Variants in PHACTR2 observed in about 807,000 individuals in gnomAD.
The protein encoded by PHACTR2 is phosphatase and actin regulator 2, also known as chromosome 6 open reading frame 56.
PHACTR2 carries 30 observed loss-of-function variants against 76.0 expected under a neutral mutation model. The observed-to-expected ratio is 0.39, with a 90% CI of 0.30 to 0.54. The LOEUF (loss-of-function observed/expected upper bound fraction) is 0.54. PHACTR2 is among the 20% of genes least tolerant of loss of function. The pLI is 0.61. For synonymous variants in PHACTR2, 292 were observed against 292.5 expected, an observed-to-expected ratio of 1.00 and a Z score of 0.02; for missense variants, 696 against 781.1, an observed-to-expected ratio of 0.89 and a Z score of 1.30.
chr6:143,631,345 C>A (rs1228634831), intron 1 of PHACTR2, among the ~76,000 whole-genome samples: 1 of 152,052 alleles, frequency 6.6e-6, no homozygotes, highest in African/African-American at 2.4e-5. Context: ...TGCAGACCAC[C>A]ACCCCTGGCT....
At chr6:143,758,545 T>C (rs1779358166) in intron 4 of PHACTR2, among the ~76,000 whole-genome samples, 2 of 152,238 alleles carry the variant, frequency 1.3e-5, no homozygotes, top group South Asian at 4.1e-4. Flanking sequence ...ACTTTTGTGA[T>C]TTACTTGCCT....
chr6:143,689,290 A>T lies in PHACTR2; in HGVS notation c.46+11081A>T, dbSNP rs139156037. On this transcript the variant is annotated intron_variant, in intron 1 of 12. Coordinates refer to ENST00000440869, the MANE Select transcript of PHACTR2 (RefSeq NM_001100164.2). The surrounding 1 kb of genome is among the most constrained non-coding windows in gnomAD (Gnocchi z 4.4). ...TTATTCATTGTCTCTCTTTTCTAGAACATAAGCTCCATGATCTAAAAGACG... is the reference window on the plus strand; with the variant it reads ...TTATTCATTGTCTCTCTTTTCTAGATCATAAGCTCCATGATCTAAAAGACG... 2.9e-4 allele frequency among the ~76,000 whole-genome samples: 44 copies of T among 152,338 alleles called. No homozygotes were observed. Among genetic ancestry groups the T allele is most frequent in the Non-Finnish European group, 4.7e-4 (32 of 68,036 alleles).
In PHACTR2 at chr6:143,767,680, G is replaced by A. The variant is rs1779589640; in HGVS notation, c.1232+1882G>A. Among the ~76,000 whole-genome samples the A allele has an allele frequency of 6.6e-6, 1 of 152,190 alleles. No individual in the cohort carries two copies. Among genetic ancestry groups the A allele is most frequent in the Non-Finnish European group, 1.5e-5 (1 of 68,028 alleles). On this transcript the variant is annotated intron_variant, in intron 6 of 12. Transcript: ENST00000440869. The surrounding 1 kb of genome is among the most constrained non-coding windows in gnomAD (Gnocchi z 4.4). The stretch of plus-strand genomic sequence containing the variant: ...TTTCCATGTCATCACATGGTGGAAG[G>A]TGGAAGGGCAGAGAGCACAACAGAG...
At position 143,682,446 on chromosome 6, in the gene PHACTR2, C is replaced by A. The variant is rs115525732; in HGVS notation, c.46+4237C>A. Reference sequence around the variant, plus strand: ...CCCAGGCTGGTCTCAAATTCGAGATCTCAAGAGATCCACCCACCTGGGCCT... The same window carrying A: ...CCCAGGCTGGTCTCAAATTCGAGATATCAAGAGATCCACCCACCTGGGCCT... On this transcript the variant is annotated intron_variant, in intron 1 of 12. Transcript: ENST00000440869. Among the ~76,000 whole-genome samples, 281 of 152,238 alleles carry A rather than the reference C, an allele frequency of 1.8e-3. 3 individuals are homozygous for A. The highest frequency in any genetic ancestry group is 6.4e-3 in the African/African-American group (267 of 41,538).
At chr6:143,563,893 A>G (rs1775320593) in intron 1 of PHACTR2, among the ~76,000 whole-genome samples, 1 of 151,568 alleles carries the variant, frequency 6.6e-6, no homozygotes, top group African/African-American at 2.4e-5. Flanking sequence ...GGTCCCAGCT[A>G]TTTGGGAGGT....
At chr6:143,630,827 G>A (rs1776352491) in intron 1 of PHACTR2, among the ~76,000 whole-genome samples, 1 of 152,194 alleles carries the variant, frequency 6.6e-6, no homozygotes, top group South Asian at 2.1e-4. Flanking sequence ...CTTTGGAGCA[G>A]GGAAAGAACT....
At chr6:143,704,076 GGTGTGTGT>G (rs1162818666) in intron 1 of PHACTR2, among the ~76,000 whole-genome samples, 3 of 72,930 alleles carry the variant, frequency 4.1e-5, no homozygotes, top group Admixed American at 3.3e-4. Context: ...GTCCATCATG[GGTGTGTGT>G]GTGTGTGTGT....
Position 143,743,713 on chromosome 6 carries a change from G to A in PHACTR2, c.215-5272G>A, listed in dbSNP as rs747162950. ...CAACACAAGACAAGTGGTTTTGTGTGTTTCTGTCACAGTTTTACAGTGAGG... is the reference window on the plus strand; with the variant it reads ...CAACACAAGACAAGTGGTTTTGTGTATTTCTGTCACAGTTTTACAGTGAGG... On this transcript the variant is annotated intron_variant, in intron 2 of 12. Coordinates refer to ENST00000440869, the MANE Select transcript of PHACTR2 (RefSeq NM_001100164.2). The surrounding 1 kb of genome is among the most constrained non-coding windows in gnomAD (Gnocchi z 5.0). Among the ~76,000 whole-genome samples the A allele has an allele frequency of 2.6e-5, 4 of 152,192 alleles. No individual in the cohort carries two copies. The highest frequency in any genetic ancestry group is 5.9e-5 in the Non-Finnish European group (4 of 68,040).
chr6:143,790,954 G>C (rs1028774572), intron 11 of PHACTR2, among the ~76,000 whole-genome samples: 51 of 152,182 alleles, frequency 3.4e-4, no homozygotes, highest in Admixed American at 3.2e-3. Flanking sequence ...TGGGATTACA[G>C]GCGTGAGCCA....
intron 1 of PHACTR2, among the ~76,000 whole-genome samples, chr6:143,586,822 T>C (rs1775635994): frequency 6.6e-6 from 1 of 152,214 alleles, no homozygotes; most frequent in African/African-American, 2.4e-5. Context: ...GCTTCTGCCC[T>C]GCCCTATTTT....
chr6:143,792,987 C>G (rs1342992521), intron 11 of PHACTR2, among the ~76,000 whole-genome samples: 1 of 152,184 alleles, frequency 6.6e-6, no homozygotes, highest in East Asian at 1.9e-4. Flanking sequence ...AGGGGAGTGG[C>G]AAGATCACAA....
In PHACTR2 at chr6:143,712,278, A is replaced by G. The variant is rs1778195058; in HGVS notation, c.214+95A>G. On this transcript the variant is annotated intron_variant, in intron 2 of 12. Transcript: ENST00000440869. ...TTTACAGTGTGTTTTTTCCCAGAAA[A>G]AAATTAATCCGTATTTGAAATGAAA... 3 of 737,510 alleles carry G rather than the reference A, an allele frequency of 4.1e-6. No homozygotes were observed. In the Admixed American group the frequency reaches 1.0e-4, roughly 25 times the overall value. 45.7% of individuals were successfully genotyped at this position (737,510 alleles called of 1,614,324 possible). A position where few individuals can be genotyped will look rare whatever the true frequency, so the allele number is the denominator to read the frequency against.
rs529817512 is a variant in PHACTR2 at position 143,571,031 on chromosome 6, A to G, written c.217+33824A>G. Among the ~76,000 whole-genome samples, 4 of 152,330 alleles carry G rather than the reference A, an allele frequency of 2.6e-5. No individual in the cohort carries two copies. The highest frequency in any genetic ancestry group is 9.6e-5 in the African/African-American group (4 of 41,578). On this transcript the variant is annotated intron_variant, in intron 1 of 11. Transcript: ENST00000367584. This position sits in a 1 kb window ranked among gnomAD's most constrained non-coding sequence, Gnocchi z 4.6. ...AGATCATTTAACTTTTAGCTGCTGC[A>G]AAACTGGTACATGGAGTTCTCGTAT... is the stretch of plus-strand genomic sequence containing the variant.
In PHACTR2 at chr6:143,688,957, C is replaced by G. The variant is rs1261300099; in HGVS notation, c.46+10748C>G. ...TATGGCCCTCGAGGCTCTACATGAG[C>G]CTATATGATCCCTGCCCACCTCTCT... On this transcript the variant is annotated intron_variant, in intron 1 of 12. Transcript: ENST00000440869. This position sits in a 1 kb window ranked among gnomAD's most constrained non-coding sequence, Gnocchi z 5.2. 6.6e-6 allele frequency among the ~76,000 whole-genome samples: 1 copy of G among 152,206 alleles called. No individual in the cohort carries two copies. Among genetic ancestry groups the G allele is most frequent in the African/African-American group, 2.4e-5 (1 of 41,448 alleles).
At chr6:143,586,117 A>ATG (rs1264214487) in intron 1 of PHACTR2, among the ~76,000 whole-genome samples, 2 of 152,228 alleles carry the variant, frequency 1.3e-5, no homozygotes, top group Admixed American at 6.5e-5. Flanking sequence ...CATCAACTGC[A>ATG]TGAAGACAGA....
chr6:143,579,263 CTG>C (rs1775547548), intron 1 of PHACTR2, among the ~76,000 whole-genome samples: 1 of 152,022 alleles, frequency 6.6e-6, no homozygotes, highest in African/African-American at 2.4e-5. Context: ...GAAAGGTGTA[CTG>C]GGGGTTGTTG....
At position 143,558,692 on chromosome 6, in the gene PHACTR2, G is replaced by A. The variant is rs1358012607; in HGVS notation, c.217+21485G>A. Among the ~76,000 whole-genome samples, 3 of 152,182 alleles carry A rather than the reference G, an allele frequency of 2.0e-5. No individual in the cohort carries two copies. The highest frequency in any genetic ancestry group is 4.4e-5 in the Non-Finnish European group (3 of 68,028). On this transcript the variant is annotated intron_variant, in intron 1 of 11. Transcript: ENST00000367584. The surrounding 1 kb of genome is among the most constrained non-coding windows in gnomAD (Gnocchi z 4.7). ...CTCTGTAGTGCTAAGATACATTCAT[G>A]CGTTTTTCCAATGCGAGGAGGTAGA...
intron 1 of PHACTR2, among the ~76,000 whole-genome samples, chr6:143,666,696 A>T (rs1777043914): frequency 6.6e-6 from 1 of 152,202 alleles, no homozygotes; most frequent in African/African-American, 2.4e-5. Context: ...ATGTCTGTTC[A>T]TATCCTTTGC....
At chr6:143,643,638 A>G (rs1039671054) in intron 1 of PHACTR2, among the ~76,000 whole-genome samples, 1 of 152,230 alleles carries the variant, frequency 6.6e-6, no homozygotes, top group African/African-American at 2.4e-5. Context: ...AACAGAAGTA[A>G]AACAAAATAA....
Sources: gnomAD v4.1 joint callset for allele counts (sites outside exome capture counted in the v4.1 genomes callset) on GRCh38, gnomAD v4.1.1 for gene constraint, Gnocchi (gnomAD v3.1) non-coding constraint, MANE v1.5 for transcripts, NCBI Gene and HGNC (gene_info 2026-07-23, HGNC 2026-07-21) for gene names.